RBM6: variants seen among roughly 807,000 people sequenced by gnomAD.
The protein encoded by RBM6 is RNA binding motif protein 6, also known as RNA-binding protein 6.
RBM6 carries 23 observed loss-of-function variants against 140.4 expected under a neutral mutation model. That is an observed-to-expected ratio of 0.16 (90% confidence interval 0.12 to 0.23). RBM6 has a LOEUF of 0.23. RBM6 is among the 10% of genes least tolerant of loss of function. The pLI is 1.00. For synonymous variants in RBM6, 439 were observed against 475.6 expected (o/e 0.92, Z 1.00); for missense variants, 1,139 against 1,386.7 (o/e 0.82, Z 2.84).
At position 49,978,156 on chromosome 3, in the gene RBM6, A is replaced by G. The variant is rs540272056; in HGVS notation, c.1483+2764A>G. On this transcript the variant is annotated intron_variant, in intron 5 of 20. Transcript: ENST00000266022. Reference sequence around the variant, plus strand: ...TTTGGGACTACAGGTGCGTACCACCATGGCAGGCTAATTTTTAAACTTTTT... The same window carrying G: ...TTTGGGACTACAGGTGCGTACCACCGTGGCAGGCTAATTTTTAAACTTTTT... Among the ~76,000 whole-genome samples, 25 of 152,172 alleles carry G rather than the reference A, an allele frequency of 1.6e-4. 1 individual carries two copies. Among genetic ancestry groups the G allele is most frequent in the Admixed American group, 1.5e-3 (23 of 15,264 alleles).
chr3:50,046,567 G>A (rs1222487625), intron 6 of RBM6, among the ~76,000 whole-genome samples: 2 of 145,874 alleles, frequency 1.4e-5, no homozygotes, highest in South Asian at 2.2e-4. Flanking sequence ...CAACAAGAGC[G>A]AAACTCTGTC....
chr3:50,011,207 A>C (rs963537652), intron 6 of RBM6, among the ~76,000 whole-genome samples: 1 of 151,968 alleles, frequency 6.6e-6, no homozygotes, highest in African/African-American at 2.4e-5. Context: ...ATGACAGAGC[A>C]ATACCTTGTC....
chr3:50,017,830 C>A (rs1300819627), intron 6 of RBM6, among the ~76,000 whole-genome samples: 1 of 152,122 alleles, frequency 6.6e-6, no homozygotes, highest in African/African-American at 2.4e-5. Context: ...CTTTGGGGGT[C>A]ATGCACAAGA....
intron 6 of RBM6, among the ~76,000 whole-genome samples, chr3:50,034,123 C>A: frequency 8.1e-6 from 1 of 123,076 alleles, no homozygotes; most frequent in Non-Finnish European, 1.7e-5. Context: ...GACAGGGTTT[C>A]ACTCTTGTTG....
At chr3:50,000,424 CTT>C (rs545032948) in intron 6 of RBM6, among the ~76,000 whole-genome samples, 4 of 113,612 alleles carry the variant, frequency 3.5e-5, no homozygotes, top group Admixed American at 9.1e-5. Flanking sequence ...TTCTTTCTTT[CTT>C]TTTTTTTTTT....
At chr3:50,070,287 G>T (rs1382509900) in intron 18 of RBM6, among the ~76,000 whole-genome samples, 168 bp from the exon 19 acceptor site, 1 of 151,928 alleles carries the variant, frequency 6.6e-6, no homozygotes, top group Non-Finnish European at 1.5e-5. Flanking sequence ...CCTGGGAGGC[G>T]GAGGTTGCAG....
chr3:49,984,597 C>A (rs1193907634), intron 5 of RBM6, among the ~76,000 whole-genome samples: 1 of 88,940 alleles, frequency 1.1e-5, no homozygotes, highest in African/African-American at 6.1e-5. Flanking sequence ...CATCACATCA[C>A]ATCACATCAC....
intron 6 of RBM6, among the ~76,000 whole-genome samples, chr3:50,008,259 C>G (rs1437302347): frequency 6.6e-6 from 1 of 152,134 alleles, no homozygotes; most frequent in Non-Finnish European, 1.5e-5. Flanking sequence ...GATATGTGTC[C>G]TACAATGGGT....
At chr3:50,059,427 G>C in intron 10 of RBM6, 1 of 360,666 alleles carries the variant, frequency 2.8e-6, no homozygotes. Context: ...GTTTATGCCA[G>C]AACTGACATC....
chr3:49,957,628 C>T (rs1316455989), intron 1 of RBM6, among the ~76,000 whole-genome samples: 1 of 152,112 alleles, frequency 6.6e-6, no homozygotes, highest in Non-Finnish European at 1.5e-5. Context: ...ATCTCTGCTC[C>T]TATCCAGCTC....
chr3:49,947,465 T>TG (rs755915951), intron 1 of RBM6, among the ~76,000 whole-genome samples: 31 of 152,094 alleles, frequency 2.0e-4, no homozygotes, highest in Admixed American at 1.1e-3. Context: ...TCTGTGTTGT[T>TG]GAGTTTTAGG....
chr3:49,987,259 T>G (rs1317135565), intron 5 of RBM6, among the ~76,000 whole-genome samples: 1 of 151,926 alleles, frequency 6.6e-6, no homozygotes, highest in Non-Finnish European at 1.5e-5. Context: ...CTCTGATGCA[T>G]ATATTTTTTA....
At chr3:50,039,827 AG>A (rs1363083453) in intron 6 of RBM6, among the ~76,000 whole-genome samples, 1 of 152,182 alleles carries the variant, frequency 6.6e-6, no homozygotes, top group African/African-American at 2.4e-5. Flanking sequence ...TCTTCTCACA[AG>A]GAGAGAAAAG....
At position 50,058,315 on chromosome 3, in the gene RBM6, T is replaced by TA. The variant is rs201565426; in HGVS notation, c.1970-81dup. 2,053 of 1,419,254 alleles carry TA rather than the reference T, an allele frequency of 1.4e-3. 26 individuals carry two copies. The African/African-American group carries it at 0.026, about 18-fold the overall frequency. The allele number at this position is 1,419,254 out of a possible 1,614,324, so 87.9% of individuals were successfully genotyped here. A position where few individuals can be genotyped will look rare whatever the true frequency, so the allele number is the denominator to read the frequency against. ...CCAGCCTTGCTAGTAGCATCTATAG[T>TA]AAAAAATGACAGTCAGATTCTTGGG... On this transcript the variant is annotated intron_variant, in intron 9 of 20. Transcript: ENST00000266022.
Position 50,058,663 on chromosome 3 carries a change from C to T in RBM6, c.2130+101C>T, listed in dbSNP as rs1050872622. ...GGCCTGGTGGCTTACGCCTGTAATC[C>T]CAGCACTTTGGGAGGCCGAGGTGGG... On this transcript the variant is annotated intron_variant, in intron 10 of 20. Transcript: ENST00000266022. The T allele has an allele frequency of 8.4e-6, 11 of 1,301,960 alleles. No individual in the cohort carries two copies. The African/African-American group carries it at 1.6e-4, about 19-fold the overall frequency. 80.7% of individuals were successfully genotyped at this position (1,301,960 alleles called of 1,614,324 possible).
At chr3:50,022,593 G>C (rs1253221211) in intron 6 of RBM6, among the ~76,000 whole-genome samples, 1 of 152,154 alleles carries the variant, frequency 6.6e-6, no homozygotes, top group Non-Finnish European at 1.5e-5. Flanking sequence ...GCCTCCCAAA[G>C]TGCTGGGATT....
intron 11 of RBM6, among the ~76,000 whole-genome samples, chr3:50,060,474 G>A (rs1474038160): frequency 2.0e-5 from 3 of 151,914 alleles, no homozygotes; most frequent in Admixed American, 6.6e-5. Context: ...TTGGGCAGGC[G>A]TGGTGGCTCA....
rs549625617 is a variant in RBM6 at position 50,013,373 on chromosome 3, A to C, written c.1557+13860A>C. On this transcript the variant is annotated intron_variant, in intron 6 of 20. Coordinates refer to ENST00000266022, the MANE Select transcript of RBM6 (RefSeq NM_005777.3). ...CTGTGAGGTTTTTATAGGTCTTTTA[A>C]AAAAAACAGTGAATAGGCCGAACGC... 6.6e-5 allele frequency among the ~76,000 whole-genome samples: 10 copies of C among 152,098 alleles called. No homozygotes were observed. In the South Asian group the frequency reaches 2.1e-3, roughly 32 times the overall value.
intron 17 of RBM6, among the ~76,000 whole-genome samples, chr3:50,067,204 A>C (rs1323622884): frequency 1.3e-5 from 2 of 151,286 alleles, no homozygotes; most frequent in African/African-American, 4.8e-5. Flanking sequence ...AAAAAAAAAA[A>C]AAAAAAAAGC....
Sources: gnomAD v4.1 joint callset for allele counts (sites outside exome capture counted in the v4.1 genomes callset) on GRCh38, gnomAD v4.1.1 for gene constraint, MANE v1.5 for transcripts, NCBI Gene and HGNC (gene_info 2026-07-23, HGNC 2026-07-21) for gene names.